Variants in PTPRC observed in about 807,000 individuals in gnomAD.
PTPRC encodes protein tyrosine phosphatase receptor type C.
Under a neutral mutation model 155.9 loss-of-function variants are expected in PTPRC, and 44 were observed. The ratio of observed to expected loss-of-function variants is 0.28; its 90% confidence interval spans 0.22 to 0.36. PTPRC has a LOEUF of 0.36. Ranked by LOEUF, PTPRC falls within the 10% of genes least tolerant of loss-of-function variation. The pLI is 1.00. For missense variants in PTPRC, 1,401 were observed against 1,564.6 expected (o/e 0.90, Z 1.76); for synonymous variants, 525 against 533.1 (o/e 0.98, Z 0.21).
intron 2 of PTPRC, chr1:198,679,953 G>A (rs1665209547): frequency 1.6e-6 from 1 of 626,692 alleles, no homozygotes. Flanking sequence ...CCGTCGCCCT[G>A]GCGTAGGCGA....
Position 198,639,233 on chromosome 1 carries a change from C to T in PTPRC, c.-36C>T. ...AATTATTTTGCTTTTCAGAAGGACG[C>T]ATGCTGTTTCTTAGGGACACGGCTG... On this transcript the variant is annotated 5_prime_UTR_variant, in exon 2 of 33. Transcript: ENST00000442510. The T allele has an allele frequency of 1.3e-6, 2 of 1,575,206 alleles. No individual in the cohort carries two copies. The highest frequency in any genetic ancestry group is 2.2e-5 in the East Asian group (1 of 44,638).
intron 15 of PTPRC, among the ~76,000 whole-genome samples, chr1:198,722,717 A>G (rs1023704204): frequency 2.0e-5 from 3 of 151,594 alleles, no homozygotes; most frequent in African/African-American, 7.3e-5. Flanking sequence ...AATTCATAAG[A>G]GGATTTATAT....
intron 2 of PTPRC, among the ~76,000 whole-genome samples, chr1:198,674,930 CCA>C (rs1300857067): frequency 1.3e-5 from 2 of 152,090 alleles, no homozygotes; most frequent in Non-Finnish European, 2.9e-5. Context: ...GCCCATTTTT[CCA>C]ATATTGTTCT....
At chr1:198,677,922 CT>C (rs570134789) in intron 2 of PTPRC, among the ~76,000 whole-genome samples, 29 of 149,190 alleles carry the variant, frequency 1.9e-4, no homozygotes, top group African/African-American at 5.7e-4. Flanking sequence ...TAAAGTCCAG[CT>C]TTTTTTTTTC....
intron 3 of PTPRC, among the ~76,000 whole-genome samples, chr1:198,693,646 A>G (rs1180371448): frequency 1.3e-5 from 2 of 152,224 alleles, no homozygotes. Flanking sequence ...GTCTCTCCCA[A>G]ATATTGGCCA....
chr1:198,651,207 C>T (rs1310181463), intron 2 of PTPRC, among the ~76,000 whole-genome samples: 3 of 151,120 alleles, frequency 2.0e-5, no homozygotes, highest in Admixed American at 6.6e-5. Flanking sequence ...AAAGGTAATG[C>T]TCTGTTGAAC....
intron 15 of PTPRC, among the ~76,000 whole-genome samples, chr1:198,723,364 G>C (rs2102460277): frequency 6.6e-6 from 1 of 152,146 alleles, no homozygotes; most frequent in Non-Finnish European, 1.5e-5. Context: ...ATATGCATGT[G>C]CACAATCACT....
Position 198,711,502 on chromosome 1 carries a change from C to T in PTPRC, c.1172-1451C>T, listed in dbSNP as rs977923086. Among the ~76,000 whole-genome samples the T allele has an allele frequency of 1.6e-4, 25 of 152,114 alleles. No homozygotes were observed. In the East Asian group the frequency reaches 4.6e-3, roughly 28 times the overall value. ...AAATTAATTCAAAATGGATTCCAGACCTAAATACTAAAGCTATAATTTAAA... is the reference window on the plus strand; with the variant it reads ...AAATTAATTCAAAATGGATTCCAGATCTAAATACTAAAGCTATAATTTAAA... On this transcript the variant is annotated intron_variant, in intron 11 of 32. Transcript: ENST00000442510.
chr1:198,705,570 G>T (rs1240412594), intron 8 of PTPRC, among the ~76,000 whole-genome samples: 1 of 151,438 alleles, frequency 6.6e-6, no homozygotes, highest in East Asian at 1.9e-4. Flanking sequence ...ATAGGCACAT[G>T]CCACCGAGCC....
chr1:198,743,971 G>A, intron 25 of PTPRC, 83 bp from the exon 26 acceptor site: 2 of 1,335,656 alleles, frequency 1.5e-6, no homozygotes, highest in Non-Finnish European at 2.1e-6. Flanking sequence ...GCAAATTTAT[G>A]GGGAATGTAT....
chr1:198,730,964 G>A (rs1654357928), intron 17 of PTPRC, among the ~76,000 whole-genome samples: 3 of 152,196 alleles, frequency 2.0e-5, no homozygotes, highest in Non-Finnish European at 2.9e-5. Context: ...TTACATATGC[G>A]ACAGCTTAAA....
intron 12 of PTPRC, among the ~76,000 whole-genome samples, chr1:198,715,607 T>C (rs1653547670): frequency 6.6e-6 from 1 of 152,026 alleles, no homozygotes; most frequent in Non-Finnish European, 1.5e-5. Flanking sequence ...ATGATGTTGC[T>C]GGAAATTATT....
intron 2 of PTPRC, among the ~76,000 whole-genome samples, chr1:198,656,882 C>A (rs1406115831): frequency 1.3e-5 from 2 of 151,572 alleles, no homozygotes; most frequent in Non-Finnish European, 2.9e-5. Context: ...TTTAAGTAGG[C>A]AGACCTGTTG....
intron 32 of PTPRC, among the ~76,000 whole-genome samples, chr1:198,755,661 G>A (rs1282855970): frequency 2.0e-5 from 3 of 152,080 alleles, no homozygotes; most frequent in South Asian, 2.1e-4. Context: ...AATGGCCCAT[G>A]AGCGGAGTGA....
At chr1:198,703,646 G>A in intron 7 of PTPRC, 2 of 538,940 alleles carry the variant, frequency 3.7e-6, no homozygotes, top group South Asian at 4.2e-5. Context: ...CAGGGGTTTA[G>A]GTCTTAGTAA....
At chr1:198,741,320 TTC>T (rs1654888420) in intron 23 of PTPRC, among the ~76,000 whole-genome samples, 1 of 151,876 alleles carries the variant, frequency 6.6e-6, no homozygotes, top group Non-Finnish European at 1.5e-5. Context: ...TCTCTCTACA[TTC>T]TGTGTTGACA....
At chr1:198,668,839 T>C (rs765942094) in intron 2 of PTPRC, among the ~76,000 whole-genome samples, 24 of 152,130 alleles carry the variant, frequency 1.6e-4, no homozygotes, top group Non-Finnish European at 2.9e-5. Flanking sequence ...AATAGATATG[T>C]ATCGAAGGGA....
intron 32 of PTPRC, 159 bp downstream of exon 32, chr1:198,754,563 A>ACTT: frequency 4.7e-6 from 4 of 845,008 alleles, no homozygotes; most frequent in Middle Eastern, 3.1e-4. Flanking sequence ...TAGCTTTTCT[A>ACTT]CTTTTACATG....
chr1:198,734,151 T>C (rs1174455324), intron 20 of PTPRC, 45 bp from the exon 21 acceptor site: 3 of 1,586,558 alleles, frequency 1.9e-6, no homozygotes, highest in South Asian at 1.1e-5. Context: ...TAATGAGTAA[T>C]TGAATGTTCA....
Sources: gnomAD v4.1 joint callset for allele counts (sites outside exome capture counted in the v4.1 genomes callset) on GRCh38, gnomAD v4.1.1 for gene constraint, MANE v1.5 for transcripts, NCBI Gene and HGNC (gene_info 2026-07-23, HGNC 2026-07-21) for gene names.